The following ELMO1 variants were observed in gnomAD, a reference collection of about 807,000 sequenced individuals.
The protein encoded by ELMO1 is engulfment and cell motility 1.
Under a neutral mutation model 98.9 loss-of-function variants are expected in ELMO1, and 26 were observed. The observed-to-expected ratio is 0.26, with a 90% CI of 0.19 to 0.36. The LOEUF is 0.36. Among genes scored for constraint, ELMO1 ranks in the 10% least tolerant of loss-of-function variants. The pLI, the probability that ELMO1 is intolerant of heterozygous loss-of-function variation, is 1.00. For synonymous variants in ELMO1, 346 were observed against 346.0 expected (o/e 1.00, Z 0.00); for missense variants, 627 against 935.2 (o/e 0.67, Z 4.30).
At chr7:37,317,308 G>A (rs1221324968) in intron 2 of ELMO1, among the ~76,000 whole-genome samples, 1 of 152,174 alleles carries the variant, frequency 6.6e-6, no homozygotes, top group Non-Finnish European at 1.5e-5. Flanking sequence ...AATCCTCTAT[G>A]AGCACATTCA....
At chr7:36,930,656 C>T (rs1476095959) in intron 16 of ELMO1, among the ~76,000 whole-genome samples, 1 of 152,174 alleles carries the variant, frequency 6.6e-6, no homozygotes. Flanking sequence ...TGCTCAGGCA[C>T]ATCATTTTTT....
In ELMO1 at chr7:37,110,442, C is replaced by T. The variant is rs571101479; in HGVS notation, c.1192-13715G>A. ...ACACAGCAACTTTTACGCTGATTTG[C>T]AAAATGATTTATTTTAAGTACGTTT... On this transcript the variant is annotated intron_variant, in intron 14 of 21. Coordinates refer to ENST00000310758, the MANE Select transcript of ELMO1 (RefSeq NM_014800.11). 8.5e-5 allele frequency among the ~76,000 whole-genome samples: 13 copies of T among 152,254 alleles called. No homozygotes were observed. The South Asian group carries it at 2.7e-3, about 32-fold the overall frequency.
At chr7:37,163,567 C>T (rs1584744844) in intron 13 of ELMO1, among the ~76,000 whole-genome samples, 1 of 151,726 alleles carries the variant, frequency 6.6e-6, no homozygotes, top group African/African-American at 2.4e-5. Context: ...TGTTCAATTC[C>T]CACCTATGAG....
chr7:37,352,619 A>G (rs1801323452), intron 1 of ELMO1, among the ~76,000 whole-genome samples: 1 of 152,194 alleles, frequency 6.6e-6, no homozygotes, highest in African/African-American at 2.4e-5. Context: ...GAATCGCTAA[A>G]TAGTCTTGGC....
In ELMO1 at chr7:36,963,990, C is replaced by G. The variant is rs143598750; in HGVS notation, c.1437+49309G>C. ...AACCTACCTTTAGATCCCATGAAAACTAATATTTGTATCTGCTGTCTTGTA... is the reference window on the plus strand; with the variant it reads ...AACCTACCTTTAGATCCCATGAAAAGTAATATTTGTATCTGCTGTCTTGTA... On this transcript the variant is annotated intron_variant, in intron 16 of 21. Coordinates refer to ENST00000310758, the MANE Select transcript of ELMO1 (RefSeq NM_014800.11). Among the ~76,000 whole-genome samples, 6 of 152,282 alleles carry G rather than the reference C, an allele frequency of 3.9e-5. No individual in the cohort carries two copies. The East Asian group carries it at 1.2e-3, about 29-fold the overall frequency.
At chr7:37,239,478 T>G (rs1020283877) in intron 7 of ELMO1, among the ~76,000 whole-genome samples, 1 of 152,220 alleles carries the variant, frequency 6.6e-6, no homozygotes, top group African/African-American at 2.4e-5. Context: ...TTCAATTTTT[T>G]TAATAACTAT....
intron 13 of ELMO1, among the ~76,000 whole-genome samples, chr7:37,138,930 C>A (rs1404769262): frequency 2.0e-5 from 3 of 152,156 alleles, no homozygotes; most frequent in African/African-American, 7.2e-5. Context: ...ACATATAAGT[C>A]AATAAATGTG....
At chr7:36,997,488 C>G (rs1792307731) in intron 16 of ELMO1, among the ~76,000 whole-genome samples, 1 of 152,030 alleles carries the variant, frequency 6.6e-6, no homozygotes, top group South Asian at 2.1e-4. Flanking sequence ...TGGGGACCTA[C>G]TAGAGAGAAA....
chr7:37,241,968 C>T (rs188706134), intron 7 of ELMO1, among the ~76,000 whole-genome samples: 36 of 152,214 alleles, frequency 2.4e-4, no homozygotes, highest in African/African-American at 8.7e-4. Flanking sequence ...TATTTTCCTA[C>T]AGATCTGAGT....
intron 4 of ELMO1, among the ~76,000 whole-genome samples, chr7:37,301,533 G>T (rs2131023850): frequency 6.6e-6 from 1 of 152,154 alleles, no homozygotes; most frequent in Non-Finnish European, 1.5e-5. Flanking sequence ...CCCAGAGACA[G>T]TAAAGAGCTG....
intron 4 of ELMO1, among the ~76,000 whole-genome samples, chr7:37,306,691 G>C (rs1463416476): frequency 6.6e-6 from 1 of 152,166 alleles, no homozygotes; most frequent in Non-Finnish European, 1.5e-5. Flanking sequence ...AAGGCTAAGA[G>C]CTTTGGAAGA....
At chr7:37,051,242 TG>T (rs1796097159) in intron 15 of ELMO1, among the ~76,000 whole-genome samples, 1 of 152,188 alleles carries the variant, frequency 6.6e-6, no homozygotes, top group Non-Finnish European at 1.5e-5. Flanking sequence ...TTGGGTGAGA[TG>T]ATAATAAGAG....
intron 16 of ELMO1, among the ~76,000 whole-genome samples, chr7:36,961,574 G>C (rs1430367046): frequency 6.6e-6 from 1 of 152,102 alleles, no homozygotes; most frequent in Non-Finnish European, 1.5e-5. Context: ...TTTCACAAAA[G>C]TACTTTTTCT....
chr7:37,021,034 A>G (rs1794236456), intron 15 of ELMO1, among the ~76,000 whole-genome samples: 1 of 152,230 alleles, frequency 6.6e-6, no homozygotes, highest in Non-Finnish European at 1.5e-5. Context: ...TTGTATAAAA[A>G]TAATCTTACC....
chr7:37,404,063 A>G (rs1016603981), intron 1 of ELMO1, among the ~76,000 whole-genome samples: 11 of 152,296 alleles, frequency 7.2e-5, no homozygotes, highest in African/African-American at 2.6e-4. Context: ...TAATACTTCT[A>G]AAAAATAAAA....
chr7:36,993,402 C>T (rs1431028999), intron 16 of ELMO1, among the ~76,000 whole-genome samples: 1 of 152,208 alleles, frequency 6.6e-6, no homozygotes, highest in African/African-American at 2.4e-5. Flanking sequence ...TGTGCCTAGT[C>T]TTAGTGAACC....
intron 16 of ELMO1, among the ~76,000 whole-genome samples, chr7:36,960,811 C>G (rs545973670): frequency 6.6e-6 from 1 of 152,146 alleles, no homozygotes; most frequent in Non-Finnish European, 1.5e-5. Context: ...ATCAGTGTTA[C>G]GTAAATGACA....
chr7:37,345,405 G>T (rs1328375703), intron 1 of ELMO1, among the ~76,000 whole-genome samples: 1 of 152,030 alleles, frequency 6.6e-6, no homozygotes, highest in African/African-American at 2.4e-5. Context: ...CACCGAGAAG[G>T]CAGCACCTGA....
At chr7:37,233,004 G>C (rs1267171234) in intron 8 of ELMO1, 91 bp downstream of exon 8, 3 of 1,133,926 alleles carry the variant, frequency 2.6e-6, no homozygotes, top group African/African-American at 3.2e-5. Context: ...AGAACTAAAG[G>C]AAAGACAATT....
Sources: allele counts gnomAD v4.1 joint callset (sites outside exome capture counted in the v4.1 genomes callset), GRCh38; gene constraint gnomAD v4.1.1; transcripts MANE v1.5; gene names NCBI Gene and HGNC (gene_info 2026-07-23, HGNC 2026-07-21).